Variants in NUDT8 observed in about 807,000 individuals in gnomAD.
The protein encoded by NUDT8 is mitochondrial coenzyme A diphosphatase NUDT8.
NUDT8 carries 14 observed loss-of-function variants against 12.5 expected under a neutral mutation model. The observed-to-expected ratio is 1.12, with a 90% CI of 0.74 to 1.75. The LOEUF (loss-of-function observed/expected upper bound fraction) is 1.75, where lower values mean the gene tolerates loss of function less well. Among genes scored for constraint, NUDT8 ranks in the 40% most tolerant of loss-of-function variants. The probability of loss-of-function intolerance (pLI) is 0.00; values close to 1 mark genes in which losing one functional copy is unlikely to be tolerated. For missense variants in NUDT8, 337 were observed against 318.5 expected, an observed-to-expected ratio of 1.06 and a Z score of -0.44; for synonymous variants, 163 against 156.2, an observed-to-expected ratio of 1.04 and a Z score of -0.33.
Position 67,628,040 on chromosome 11 carries a change from G to A in NUDT8, c.617C>T (p.Thr206Ile), listed in dbSNP as rs1247241512. The change falls in exon 4 of 4, where the codon ACC (threonine) becomes ATC (isoleucine). Residue 206 changes from threonine (T) to isoleucine (I), a missense_variant. By Grantham distance (89) the Thr-to-Ile change is moderately conservative. Transcript: ENST00000376693. ...GGCCAGACCCTCAGCCCCTGAGCAG[G>A]TCAGGCCGGCCAGGCGGGGCTGGTA... ...GTYQPRLAGL[T>I]CSGAEGLARP... 1.3e-6 allele frequency: 2 copies of A among 1,598,266 alleles called. No individual in the cohort carries two copies. The highest frequency in any genetic ancestry group is 1.3e-5 in the African/African-American group (1 of 74,934).
At chr11:67,629,281 C>G in intron 1 of NUDT8, 2 of 469,242 alleles carry the variant, frequency 4.3e-6, no homozygotes, top group Non-Finnish European at 7.6e-6. Flanking sequence ...GGGTCTGCAG[C>G]AGGGGCAAGA....
At chr11:67,629,248 G>T in intron 1 of NUDT8, 197 bp from the exon 2 acceptor site, 1 of 574,472 alleles carries the variant, frequency 1.7e-6, no homozygotes, top group Middle Eastern at 4.6e-4. Context: ...AGGAAGAGAG[G>T]CCCGGGACAG....
rs1230419710 is a variant in NUDT8 at position 67,628,251 on chromosome 11, C to T, written c.406G>A (p.Val136Ile). ...PQSLRPNSEE[V>I]DEVFALPLAH... ...AGCGGCAGTGCAAACACCTCATCTA[C>T]CTGCAGGCAGGAGGCAGAGAGGGTA... The change falls in exon 4 of 4, where the codon GTA becomes ATA. Residue 136 changes from valine to isoleucine, a missense_variant and splice_region_variant. Val to Ile is a conservative substitution (Grantham distance 29). Transcript: ENST00000376693. 2.5e-6 allele frequency: 4 copies of T among 1,612,916 alleles called. No individual in the cohort carries two copies. The highest frequency in any genetic ancestry group is 3.4e-6 in the Non-Finnish European group (4 of 1,179,490).
At position 67,628,322 on chromosome 11, in the gene NUDT8, C is replaced by T; in HGVS notation, c.405+1G>A. The T allele has an allele frequency of 1.2e-6, 2 of 1,613,974 alleles. No homozygotes were observed. The highest frequency in any genetic ancestry group is 1.7e-6 in the Non-Finnish European group (2 of 1,180,004). On this transcript the variant is annotated splice_donor_variant, in intron 3 of 3. Transcript: ENST00000376693. LOFTEE classifies it high-confidence loss of function. The stretch of plus-strand genomic sequence containing the variant: ...CAACCCCCTCATATCCCCCAGCTCA[C>T]CTCCTCCGAGTTGGGCCTGAGGCTC...
rs1217186133 is a variant in NUDT8 at position 67,628,966 on chromosome 11, C to T, written c.280G>A (p.Val94Met). The T allele has an allele frequency of 8.7e-6, 14 of 1,612,694 alleles. No homozygotes were observed. Among genetic ancestry groups the T allele is most frequent in the Non-Finnish European group, 1.1e-5 (13 of 1,179,778 alleles). ...RETREELGLAVPEEHVWGLLR... is the reference protein window; with the variant it reads ...RETREELGLAMPEEHVWGLLR... ...AGGCCCCACACGTGCTCCTCGGGCA[C>T]TGCCAGGCCCAGCTCCTCCCGGGTT... Residue 94 changes from valine (V) to methionine (M), a missense_variant, in exon 2 of 4, where the codon GTG (valine) becomes ATG (methionine). Coordinates refer to ENST00000376693, the MANE Select transcript of NUDT8 (RefSeq NM_001243750.2).
At chr11:67,628,786 C>T in intron 2 of NUDT8, 133 bp downstream of exon 2, 1 of 1,163,190 alleles carries the variant, frequency 8.6e-7, no homozygotes, top group Non-Finnish European at 1.2e-6. Context: ...TGTGACCAGG[C>T]AGGTTAGGGG....
rs1198532497 is a variant in NUDT8, at chr11:67,628,042, C to T, written c.615G>A (p.Leu205=). The T allele has an allele frequency of 8.1e-6, 13 of 1,598,252 alleles. No homozygotes were observed. The highest frequency in any genetic ancestry group is 1.3e-5 in the African/African-American group (1 of 74,926). The change falls in exon 4 of 4, where the codon CTG becomes CTA. Residue 205 remains leucine (L), a synonymous_variant. Transcript: ENST00000376693. ...PGTYQPRLAG[L]TCSGAEGLAR... is the part of the protein sequence containing the mutation. The stretch of plus-strand genomic sequence containing the variant: ...CCAGACCCTCAGCCCCTGAGCAGGT[C>T]AGGCCGGCCAGGCGGGGCTGGTAGG...
intron 1 of NUDT8, 185 bp downstream of exon 1, chr11:67,629,533 C>G (rs1432072358): frequency 2.5e-6 from 1 of 404,150 alleles, no homozygotes; most frequent in Admixed American, 4.5e-5. Context: ...GCAGGTGCAC[C>G]GGGGCCGACG....
At position 67,628,905 on chromosome 11, in the gene NUDT8, G is replaced by C. The variant is rs1052719288; in HGVS notation, c.327+14C>G. The C allele has an allele frequency of 6.3e-7, 1 of 1,597,664 alleles. No individual in the cohort carries two copies. On this transcript the variant is annotated intron_variant, in intron 2 of 3. Coordinates refer to ENST00000376693, the MANE Select transcript of NUDT8 (RefSeq NM_001243750.2). ...GAGTGAATGGGGTGGGGTGGCCTCA[G>C]CCAAGTGGCTTACCGGATCATACAC...
At position 67,629,065 on chromosome 11, in the gene NUDT8, A is replaced by G. The variant is rs777237659; in HGVS notation, c.195-14T>C. On this transcript the variant is annotated splice_polypyrimidine_tract_variant and intron_variant, in intron 1 of 3. Transcript: ENST00000376693. ...CCGCCTGGGAAACTAAACAGACACAAGGAGTCTGGTCCTTGGACTCTTGGG... is the reference window on the plus strand; with the variant it reads ...CCGCCTGGGAAACTAAACAGACACAGGGAGTCTGGTCCTTGGACTCTTGGG... 1 of 1,605,046 alleles carries G rather than the reference A, an allele frequency of 6.2e-7. No individual in the cohort carries two copies. Among genetic ancestry groups the G allele is most frequent in the Non-Finnish European group, 8.5e-7 (1 of 1,174,944 alleles).
At chr11:67,628,874 C>T (rs932445845) in intron 2 of NUDT8, 45 bp downstream of exon 2, 5 of 1,576,420 alleles carry the variant, frequency 3.2e-6, no homozygotes, top group Non-Finnish European at 4.3e-6. Flanking sequence ...AGGGCAGGCA[C>T]AGAGTGAGTG....
At chr11:67,628,292 C>T (rs368870572) in intron 3 of NUDT8, 31 bp downstream of exon 3, 4 of 1,613,630 alleles carry the variant, frequency 2.5e-6, no homozygotes, top group Non-Finnish European at 3.4e-6. Context: ...AGGACTGGAA[C>T]AGCCCAACCC....
chr11:67,629,696 G>T (rs1378684995), intron 1 of NUDT8, 22 bp downstream of exon 1: 2 of 1,421,898 alleles, frequency 1.4e-6, no homozygotes, highest in South Asian at 1.4e-5. Context: ...GGCAAAGGGC[G>T]AGGAGTTCCC....
At position 67,628,033 on chromosome 11, in the gene NUDT8, T is replaced by A. The variant is rs1855141508; in HGVS notation, c.624A>T (p.Ser208=). 6 of 1,598,338 alleles carry A rather than the reference T, an allele frequency of 3.8e-6. No homozygotes were observed. The highest frequency in any genetic ancestry group is 5.1e-6 in the Non-Finnish European group (6 of 1,179,764). Residue 208 remains serine (S), a synonymous_variant, in exon 4 of 4, where the codon TCA becomes TCT. Coordinates refer to ENST00000376693, the MANE Select transcript of NUDT8 (RefSeq NM_001243750.2). ...TAGGGCGGGCCAGACCCTCAGCCCC[T>A]GAGCAGGTCAGGCCGGCCAGGCGGG... ...YQPRLAGLTC[S]GAEGLARPKQ...
In NUDT8 at chr11:67,627,950, AG is replaced by A; in HGVS notation, c.706del (p.Leu236PhefsTer?). 1 of 1,575,492 alleles carries A rather than the reference AG, an allele frequency of 6.3e-7. No individual in the cohort carries two copies. Among genetic ancestry groups the A allele is most frequent in the Non-Finnish European group, 8.6e-7 (1 of 1,165,672 alleles). ...ASSTPGLNKG[L>X] ...GAAGCAAGAGCTCTAGAGCTGTCAA[AG>A]ACCTTTATTCAGTCCTGGAGTGGAG... On this transcript the variant is annotated frameshift_variant, in exon 4 of 4. Transcript: ENST00000376693. LOFTEE classifies it high-confidence loss of function.
chr11:67,629,144 A>G, intron 1 of NUDT8, 93 bp from the exon 2 acceptor site: 1 of 1,350,366 alleles, frequency 7.4e-7, no homozygotes, highest in Non-Finnish European at 1.0e-6. Context: ...GGCCCACCGA[A>G]GTGTCGCCTG....
chr11:67,629,456 G>C, intron 1 of NUDT8: 1 of 404,288 alleles, frequency 2.5e-6, no homozygotes, highest in Non-Finnish European at 4.4e-6. Context: ...TCAAAGGGGT[G>C]TCCCGGCCCA....
At chr11:67,628,840 C>G (rs1475171624) in intron 2 of NUDT8, 79 bp downstream of exon 2, 13 of 1,524,460 alleles carry the variant, frequency 8.5e-6, no homozygotes, top group Non-Finnish European at 1.2e-5. Context: ...TGACCACTCT[C>G]CTGGTCCCTG....
chr11:67,628,076 G>A lies in NUDT8; in HGVS notation c.581C>T (p.Ala194Val). ...CAGGCGGGGCTGGTAGGTACCAGGTGCCAGCAGCTGCAGGGCAAACTCAGT... is the reference window on the plus strand; with the variant it reads ...CAGGCGGGGCTGGTAGGTACCAGGTACCAGCAGCTGCAGGGCAAACTCAGT... ...VITEFALQLL[A>V]PGTYQPRLAG... The change falls in exon 4 of 4, where the codon GCA (alanine) becomes GTA (valine). Residue 194 changes from alanine (A) to valine (V), a missense_variant. Coordinates refer to ENST00000376693, the MANE Select transcript of NUDT8 (RefSeq NM_001243750.2). 6.3e-7 allele frequency: 1 copy of A among 1,598,440 alleles called. No homozygotes were observed. The highest frequency in any genetic ancestry group is 8.5e-7 in the Non-Finnish European group (1 of 1,179,786).
Sources: gnomAD v4.1 joint callset for allele counts on GRCh38, gnomAD v4.1.1 for gene constraint, MANE v1.5 for transcripts, NCBI Gene and HGNC (gene_info 2026-07-23, HGNC 2026-07-21) for gene names.